The following DCBLD2 variants were observed in gnomAD, a reference collection of about 807,000 sequenced individuals.
DCBLD2 encodes the protein discoidin, CUB and LCCL domain containing 2, also known as discoidin, CUB and LCCL domain-containing protein 2.
In DCBLD2, 54 loss-of-function variants were observed where a neutral mutation model predicts 86.8. That is an observed-to-expected ratio of 0.62 (90% confidence interval 0.50 to 0.78). DCBLD2 has a LOEUF of 0.78. DCBLD2 is among the 30% of genes least tolerant of loss of function. The probability of loss-of-function intolerance (pLI) is 0.00; values close to 1 mark genes in which losing one functional copy is unlikely to be tolerated. For synonymous variants in DCBLD2, 354 were observed against 341.3 expected, an observed-to-expected ratio of 1.04 and a Z score of -0.41; for missense variants, 908 against 954.2, an observed-to-expected ratio of 0.95 and a Z score of 0.64.
intron 2 of DCBLD2, among the ~76,000 whole-genome samples, chr3:98,870,129 T>C (rs887250161): frequency 1.8e-4 from 27 of 151,942 alleles, no homozygotes; most frequent in African/African-American, 5.6e-4. Flanking sequence ...CGGTGAGAGA[T>C]AGGGAACCAG....
chr3:98,839,144 C>CTTCTTTCTTTCT (rs1328181094), intron 3 of DCBLD2, among the ~76,000 whole-genome samples: 17 of 111,040 alleles, frequency 1.5e-4, no homozygotes, highest in African/African-American at 6.0e-4. Context: ...TCCTTCCTTC[C>CTTCTTTCTTTCT]TTCTTTCTTT....
intron 2 of DCBLD2, among the ~76,000 whole-genome samples, chr3:98,859,933 A>G (rs1049780444): frequency 6.6e-6 from 1 of 152,248 alleles, no homozygotes; most frequent in Non-Finnish European, 1.5e-5. Context: ...TCTGAGCTAA[A>G]GGAAGAAGTT....
chr3:98,862,261 C>G (rs898171756), intron 2 of DCBLD2, among the ~76,000 whole-genome samples: 7 of 152,130 alleles, frequency 4.6e-5, no homozygotes, highest in East Asian at 1.9e-4. Context: ...CAGGACCAGA[C>G]AGATTCACAG....
intron 2 of DCBLD2, among the ~76,000 whole-genome samples, chr3:98,869,396 C>G (rs1212110064): frequency 1.3e-5 from 2 of 152,106 alleles, no homozygotes; most frequent in Admixed American, 1.3e-4. Context: ...TCTGTAGGTT[C>G]TCTGTTTACT....
chr3:98,828,774 A>G (rs1390469745), intron 3 of DCBLD2, among the ~76,000 whole-genome samples: 1 of 151,950 alleles, frequency 6.6e-6, no homozygotes, highest in African/African-American at 2.4e-5. Flanking sequence ...CAACTGATGA[A>G]TGGATAGATA....
chr3:98,878,125 G>A (rs765846690), intron 2 of DCBLD2, among the ~76,000 whole-genome samples: 1 of 152,136 alleles, frequency 6.6e-6, no homozygotes, highest in Non-Finnish European at 1.5e-5. Flanking sequence ...AGTTTGATGA[G>A]TAACAGGATA....
intron 1 of DCBLD2, among the ~76,000 whole-genome samples, chr3:98,885,798 AGAG>A (rs906529165): frequency 6.6e-6 from 1 of 151,882 alleles, no homozygotes; most frequent in Non-Finnish European, 1.5e-5. Flanking sequence ...GTTGCAGGGC[AGAG>A]GAGAAGAGGA....
chr3:98,800,473 T>C (rs954132084), intron 15 of DCBLD2, 106 bp downstream of exon 15: 2 of 1,273,626 alleles, frequency 1.6e-6, no homozygotes, highest in African/African-American at 3.0e-5. Flanking sequence ...ACAATTCATT[T>C]CTTAAACATG....
At chr3:98,856,230 T>A (rs1406185958) in intron 2 of DCBLD2, among the ~76,000 whole-genome samples, 1 of 152,164 alleles carries the variant, frequency 6.6e-6, no homozygotes, top group Non-Finnish European at 1.5e-5. Context: ...GTAAGTTCCC[T>A]CCAGTTAAAT....
At chr3:98,881,266 CAAAAAAAAAAAA>C (rs35861171) in intron 2 of DCBLD2, among the ~76,000 whole-genome samples, 1 of 136,828 alleles carries the variant, frequency 7.3e-6, no homozygotes, top group Middle Eastern at 3.4e-3. Context: ...AAAAAAAAAA[CAAAAAAAAAAAA>C]ACAGAGAATT....
rs1483293803 is a variant in DCBLD2 at position 98,797,979 on chromosome 3, T to C, written c.*1393A>G. Reference sequence around the variant, plus strand: ...AGCTGCTCATGTCGTCTTGACAGTCTGAAGGCTTTAAAAGATGGTTTTACA... The same window carrying C: ...AGCTGCTCATGTCGTCTTGACAGTCCGAAGGCTTTAAAAGATGGTTTTACA... On this transcript the variant is annotated 3_prime_UTR_variant, in exon 16 of 16. Coordinates refer to ENST00000326840, the MANE Select transcript of DCBLD2 (RefSeq NM_080927.4). 1 of 152,250 alleles carries C rather than the reference T, an allele frequency of 6.6e-6. No homozygotes were observed. Among genetic ancestry groups the C allele is most frequent in the Non-Finnish European group, 1.5e-5 (1 of 68,044 alleles). 9.4% of individuals were successfully genotyped at this position (152,250 alleles called of 1,614,324 possible). A position where few individuals can be genotyped will look rare whatever the true frequency, so the allele number is the denominator to read the frequency against.
intron 2 of DCBLD2, among the ~76,000 whole-genome samples, chr3:98,853,912 C>G (rs1050495979): frequency 6.6e-6 from 1 of 152,132 alleles, no homozygotes; most frequent in Non-Finnish European, 1.5e-5. Flanking sequence ...CAGCTCTGCC[C>G]ACTTTCAGTG....
chr3:98,872,085 T>TCA (rs1414249455), intron 2 of DCBLD2, among the ~76,000 whole-genome samples: 2 of 152,206 alleles, frequency 1.3e-5, no homozygotes, highest in African/African-American at 4.8e-5. Context: ...ACAGACATAT[T>TCA]CACAGTAGTC....
chr3:98,807,026 C>T (rs1375243670), intron 13 of DCBLD2, among the ~76,000 whole-genome samples: 1 of 152,160 alleles, frequency 6.6e-6, no homozygotes, highest in South Asian at 2.1e-4. Flanking sequence ...CATCTTTGTA[C>T]AATCATCTGA....
intron 1 of DCBLD2, among the ~76,000 whole-genome samples, chr3:98,890,020 T>C (rs531896650): frequency 3.9e-5 from 6 of 152,156 alleles, no homozygotes; most frequent in African/African-American, 1.4e-4. Context: ...TTTCTTTAGT[T>C]GCCTATACTT....
intron 1 of DCBLD2, among the ~76,000 whole-genome samples, chr3:98,882,971 G>C (rs1035898896): frequency 6.6e-6 from 1 of 152,136 alleles, no homozygotes; most frequent in African/African-American, 2.4e-5. Context: ...GGTATTTCTA[G>C]TTCTAGATCC....
At chr3:98,899,593 T>C (rs988760603) in intron 1 of DCBLD2, among the ~76,000 whole-genome samples, 1 of 152,082 alleles carries the variant, frequency 6.6e-6, no homozygotes, top group African/African-American at 2.4e-5. Flanking sequence ...ATTTGGAAGG[T>C]AGACATGTAA....
intron 1 of DCBLD2, among the ~76,000 whole-genome samples, chr3:98,892,899 A>G (rs910750075): frequency 6.6e-6 from 1 of 152,170 alleles, no homozygotes; most frequent in Non-Finnish European, 1.5e-5. Context: ...GTGGGGATCA[A>G]AAAACACTGA....
At chr3:98,861,794 C>T (rs1378418564) in intron 2 of DCBLD2, among the ~76,000 whole-genome samples, 2 of 151,578 alleles carry the variant, frequency 1.3e-5, no homozygotes, top group Non-Finnish European at 1.5e-5. Context: ...AAATGGACAC[C>T]CTAACATCAC....
Sources: gnomAD v4.1 joint callset for allele counts (sites outside exome capture counted in the v4.1 genomes callset) on GRCh38, gnomAD v4.1.1 for gene constraint, MANE v1.5 for transcripts, NCBI Gene and HGNC (gene_info 2026-07-23, HGNC 2026-07-21) for gene names.